The following GNAO1 variants were observed in gnomAD, a reference collection of about 807,000 sequenced individuals.
GNAO1 encodes the protein guanine nucleotide-binding protein G(o) subunit alpha.
For synonymous variants in GNAO1, 164 were observed against 180.7 expected, an observed-to-expected ratio of 0.91 and a Z score of 0.74; for missense variants, 166 against 478.7, an observed-to-expected ratio of 0.35 and a Z score of 6.10.
At chr16:56,289,758 A>G (rs2037211777) in intron 3 of GNAO1, among the ~76,000 whole-genome samples, 1 of 152,092 alleles carries the variant, frequency 6.6e-6, no homozygotes, top group Non-Finnish European at 1.5e-5. Flanking sequence ...TTTTGCACAC[A>G]TTTTATTGAT....
intron 3 of GNAO1, among the ~76,000 whole-genome samples, chr16:56,277,595 T>A (rs112258046): frequency 2.0e-4 from 31 of 152,078 alleles, no homozygotes; most frequent in African/African-American, 7.2e-4. Context: ...ACTAAGCACT[T>A]TACACATAAT....
chr16:56,279,337 G>A (rs751559541), intron 3 of GNAO1, among the ~76,000 whole-genome samples: 11 of 152,104 alleles, frequency 7.2e-5, no homozygotes, highest in Non-Finnish European at 1.6e-4. Flanking sequence ...TTGGGGCCCC[G>A]TGACTGTGCG....
At chr16:56,256,830 T>C (rs999182133) in intron 2 of GNAO1, among the ~76,000 whole-genome samples, 1 of 151,990 alleles carries the variant, frequency 6.6e-6, no homozygotes, top group Admixed American at 6.5e-5. Context: ...CATTACTCTT[T>C]GTCTAGTTGA....
At chr16:56,194,089 C>T (rs1390351387) in intron 2 of GNAO1, 1 of 456,442 alleles carries the variant, frequency 2.2e-6, no homozygotes, top group East Asian at 7.0e-5. Context: ...CTAGGCGGCG[C>T]CATGATGGTA....
chr16:56,304,979 G>A (rs979973059), intron 3 of GNAO1, among the ~76,000 whole-genome samples: 13 of 152,318 alleles, frequency 8.5e-5, no homozygotes, highest in African/African-American at 2.6e-4. Context: ...AGGGTTAGCC[G>A]GCCCCTTATT....
At chr16:56,294,968 T>C (rs1398765099) in intron 3 of GNAO1, among the ~76,000 whole-genome samples, 1 of 150,402 alleles carries the variant, frequency 6.6e-6, no homozygotes, top group Admixed American at 6.6e-5. Flanking sequence ...TTGTTTGTCT[T>C]CTTATTAATG....
chr16:56,194,917 C>T (rs535442041), intron 2 of GNAO1, among the ~76,000 whole-genome samples: 1 of 152,202 alleles, frequency 6.6e-6, no homozygotes, highest in East Asian at 1.9e-4. Context: ...ATGTACTGGG[C>T]AGGAAATCTT....
In GNAO1 at chr16:56,344,132, C is replaced by T. The variant is rs570434745; in HGVS notation, c.724-7252C>T. ...CACCCCCCAACAGAACTTGTGGTAA[C>T]GCAGGGGCGGGGCGGGGCTGCTGAG... On this transcript the variant is annotated intron_variant, in intron 6 of 8. Transcript: ENST00000262493. 486 of 1,443,582 alleles carry T rather than the reference C, an allele frequency of 3.4e-4. 1 individual carries two copies. The highest frequency in any genetic ancestry group is 3.3e-3 in the Middle Eastern group (13 of 3,912). 89.4% of individuals were successfully genotyped at this position (1,443,582 alleles called of 1,614,324 possible).
intron 5 of GNAO1, among the ~76,000 whole-genome samples, chr16:56,335,501 C>G (rs1486083744): frequency 6.6e-6 from 1 of 152,212 alleles, no homozygotes; most frequent in Non-Finnish European, 1.5e-5. Flanking sequence ...GGAAGAGAGG[C>G]CAGCAGAGAA....
chr16:56,268,891 C>A (rs1008874718), intron 2 of GNAO1, among the ~76,000 whole-genome samples: 6 of 152,328 alleles, frequency 3.9e-5, no homozygotes, highest in Non-Finnish European at 8.8e-5. Context: ...TCTTCCCTCA[C>A]TGACATCTGA....
rs551609095 is a variant in GNAO1, at chr16:56,335,189, G to T, written c.593+332G>T. 1.6e-4 allele frequency among the ~76,000 whole-genome samples: 24 copies of T among 152,284 alleles called. No homozygotes were observed. The East Asian group carries it at 2.9e-3, about 18-fold the overall frequency. On this transcript the variant is annotated intron_variant, in intron 5 of 8. Coordinates refer to ENST00000262493, the MANE Select transcript of GNAO1 (RefSeq NM_020988.3). ...AGGGGGCCCTTCCAAGGTCACCTTG[G>T]GGGGAGGAGCCAAGAGTGGGGCTGG...
rs1414568499 is a variant in GNAO1 at position 56,311,264 on chromosome 16, C to T, written c.304-17367C>T. Among the ~76,000 whole-genome samples the T allele has an allele frequency of 1.3e-5, 2 of 151,972 alleles. No homozygotes were observed. Among genetic ancestry groups the T allele is most frequent in the Non-Finnish European group, 2.9e-5 (2 of 67,984 alleles). ...AGAAATGCCTTGGAGGGGAGTGGAA[C>T]CTGAGCCCAGGTGGCATTTGGTGGC... is the stretch of plus-strand genomic sequence containing the variant. On this transcript the variant is annotated intron_variant, in intron 3 of 8. Coordinates refer to ENST00000262493, the MANE Select transcript of GNAO1 (RefSeq NM_020988.3). The surrounding 1 kb of genome is among the most constrained non-coding windows in gnomAD (Gnocchi z 5.2).
chr16:56,334,001 T>G (rs2037716637), intron 4 of GNAO1, among the ~76,000 whole-genome samples: 1 of 152,268 alleles, frequency 6.6e-6, no homozygotes, highest in Admixed American at 6.5e-5. Flanking sequence ...CAGCGTCCTC[T>G]GAGTGCTTGG....
At chr16:56,252,307 G>A (rs1219845254) in intron 2 of GNAO1, among the ~76,000 whole-genome samples, 1 of 152,196 alleles carries the variant, frequency 6.6e-6, no homozygotes, top group Non-Finnish European at 1.5e-5. Context: ...CCCAAGGCTG[G>A]CCCCCTAGAT....
intron 2 of GNAO1, chr16:56,194,558 T>C (rs909621929): frequency 1.9e-5 from 5 of 260,458 alleles, no homozygotes; most frequent in Non-Finnish European, 3.9e-5. Context: ...TTCGGTGCGG[T>C]CTGGGCGCGG....
chr16:56,194,045 A>T (rs1343754677), intron 2 of GNAO1: 4 of 442,438 alleles, frequency 9.0e-6, no homozygotes, highest in African/African-American at 6.0e-5. Context: ...GATGCAAAAA[A>T]TCTTGGATGT....
chr16:56,240,520 A>G (rs1249804635), intron 2 of GNAO1, among the ~76,000 whole-genome samples: 3 of 152,104 alleles, frequency 2.0e-5, no homozygotes, highest in African/African-American at 4.8e-5. Flanking sequence ...TGGGTCCCAT[A>G]TGTGTATACA....
intron 2 of GNAO1, among the ~76,000 whole-genome samples, chr16:56,194,785 T>A (rs1363037740): frequency 6.6e-6 from 1 of 152,232 alleles, no homozygotes; most frequent in Non-Finnish European, 1.5e-5. Context: ...TAGGTTGATT[T>A]AATGAGAAGT....
chr16:56,341,070 G>A (rs1430947233), intron 6 of GNAO1: 20 of 1,111,336 alleles, frequency 1.8e-5, no homozygotes, highest in Non-Finnish European at 2.5e-5. Context: ...TGTGCTCTGT[G>A]GATGCCCCTG....
Sources: allele counts gnomAD v4.1 joint callset (sites outside exome capture counted in the v4.1 genomes callset), GRCh38; gene constraint gnomAD v4.1.1; non-coding constraint Gnocchi (gnomAD v3.1); transcripts MANE v1.5; gene names NCBI Gene and HGNC (gene_info 2026-07-23, HGNC 2026-07-21).